TRPM3: variants seen among roughly 807,000 people sequenced by gnomAD.
TRPM3 encodes transient receptor potential cation channel subfamily M member 3.
In TRPM3, 77 loss-of-function variants were observed where a neutral mutation model predicts 181.2. The observed-to-expected ratio is 0.42, with a 90% CI of 0.35 to 0.51. TRPM3 has a LOEUF of 0.51. Ranked by LOEUF, TRPM3 falls within the 20% of genes least tolerant of loss-of-function variation. The probability of loss-of-function intolerance (pLI) is 0.01; values close to 1 mark genes in which losing one functional copy is unlikely to be tolerated. For synonymous variants in TRPM3, 745 were observed against 796.4 expected (o/e 0.94, Z 1.09); for missense variants, 1,759 against 2,196.7 (o/e 0.80, Z 3.98).
chr9:71,045,818 T>A (rs1052475092), intron 1 of TRPM3, among the ~76,000 whole-genome samples: 15 of 152,174 alleles, frequency 9.9e-5, no homozygotes, highest in African/African-American at 3.6e-4. Context: ...TTAGTTCTGA[T>A]GAAAATGTTC....
chr9:71,106,172 G>A (rs931228957), intron 1 of TRPM3, among the ~76,000 whole-genome samples: 1 of 152,110 alleles, frequency 6.6e-6, no homozygotes, highest in African/African-American at 2.4e-5. Flanking sequence ...TATTTATTCA[G>A]GACACATCTG....
Position 71,305,880 on chromosome 9 carries a change from TA to T in TRPM3, c.183+140772del, listed in dbSNP as rs140200241. Among the ~76,000 whole-genome samples the T allele has an allele frequency of 8.5e-5, 13 of 152,110 alleles. No homozygotes were observed. In the South Asian group the frequency reaches 2.5e-3, roughly 29 times the overall value. ...ATATTTGGATCAGAATTCCTTCTTT[TA>T]AAAAAAATCTATCTTATAGGATCAG... On this transcript the variant is annotated intron_variant, in intron 1 of 24. Coordinates refer to the TRPM3 transcript ENST00000357533.
At chr9:71,276,990 T>G (rs1478094808) in intron 1 of TRPM3, among the ~76,000 whole-genome samples, 3 of 152,238 alleles carry the variant, frequency 2.0e-5, no homozygotes, top group Non-Finnish European at 4.4e-5. Context: ...TAAGTTCTAA[T>G]CACTGAAGTA....
At chr9:71,057,285 G>T (rs2060779284) in intron 1 of TRPM3, among the ~76,000 whole-genome samples, 1 of 152,006 alleles carries the variant, frequency 6.6e-6, no homozygotes, top group African/African-American at 2.4e-5. Flanking sequence ...CTACCATTGA[G>T]TCTATTTTTT....
intron 9 of TRPM3, among the ~76,000 whole-genome samples, chr9:70,642,096 A>T (rs2058143877): frequency 6.6e-6 from 1 of 152,164 alleles, no homozygotes; most frequent in African/African-American, 2.4e-5. Flanking sequence ...ACGATCGGGG[A>T]GGAGGATAAA....
chr9:70,613,160 C>CATTA (rs1238004916), intron 18 of TRPM3, among the ~76,000 whole-genome samples: 2 of 152,200 alleles, frequency 1.3e-5, no homozygotes, highest in Non-Finnish European at 2.9e-5. Flanking sequence ...TTTGACATTT[C>CATTA]ATTAATTCCA....
intron 1 of TRPM3, among the ~76,000 whole-genome samples, chr9:71,430,770 C>T (rs1563923742): frequency 6.6e-6 from 1 of 152,140 alleles, no homozygotes; most frequent in South Asian, 2.1e-4. Context: ...GAGATCATGC[C>T]ACTGCACTCC....
chr9:71,296,186 T>C (rs914298628), intron 1 of TRPM3, among the ~76,000 whole-genome samples: 4 of 152,200 alleles, frequency 2.6e-5, no homozygotes, highest in Non-Finnish European at 5.9e-5. Context: ...CAAGTACTAT[T>C]TGGCTCTTAA....
At position 70,537,157 on chromosome 9, in the gene TRPM3, T is replaced by C; in HGVS notation, c.3956A>G (p.Asn1319Ser). 1 of 1,589,256 alleles carries C rather than the reference T, an allele frequency of 6.3e-7. No homozygotes were observed. The highest frequency in any genetic ancestry group is 1.1e-5 in the South Asian group (1 of 89,644). The change falls in exon 26 of 26, where the codon AAC (asparagine) becomes AGC (serine). Residue 1319 changes from asparagine (N) to serine (S), a missense_variant. By Grantham distance (46) the Asn-to-Ser change is conservative (BLOSUM62 1). Transcript: ENST00000677713. ...TATACTCTCTTGGAGCTTGAAGGTG[T>C]TCCCTTCCTGGCTGTTGAAGCTGCT... ...RQSSFNSQEG[N>S]TFKLQESIDP...
At chr9:70,897,255 C>T (rs1471285197) in intron 1 of TRPM3, among the ~76,000 whole-genome samples, 1 of 106,134 alleles carries the variant, frequency 9.4e-6, no homozygotes, top group Non-Finnish European at 2.1e-5. Context: ...TGCTCCCCTT[C>T]CCAGCCTCTG....
At chr9:71,067,342 C>A (rs190431359) in intron 1 of TRPM3, among the ~76,000 whole-genome samples, 14 of 152,206 alleles carry the variant, frequency 9.2e-5, no homozygotes, top group African/African-American at 3.1e-4. Context: ...TGCTGTTGAT[C>A]TTTTAGTATA....
rs563589316 is a variant in TRPM3 at position 70,606,697 on chromosome 9, A to G, written c.2668-3227T>C. On this transcript the variant is annotated intron_variant, in intron 19 of 25. Coordinates refer to ENST00000677713, the MANE Select transcript of TRPM3 (RefSeq NM_001366145.2). ...TACTCTGTAAGGTTTAGCAACCTGT[A>G]TGTAGAATTTCCAAGCTTTTGAACC... 2.6e-5 allele frequency among the ~76,000 whole-genome samples: 4 copies of G among 151,790 alleles called. No homozygotes were observed. The South Asian group carries it at 6.2e-4, about 24-fold the overall frequency.
At chr9:70,970,750 A>G (rs2097235394) in intron 1 of TRPM3, among the ~76,000 whole-genome samples, 1 of 152,172 alleles carries the variant, frequency 6.6e-6, no homozygotes, top group Admixed American at 6.6e-5. Flanking sequence ...TGTGTTGACC[A>G]CTGACCTAAT....
intron 1 of TRPM3, among the ~76,000 whole-genome samples, chr9:71,401,183 G>A (rs1350415860): frequency 7.6e-6 from 1 of 130,972 alleles, no homozygotes; most frequent in Non-Finnish European, 1.6e-5. Flanking sequence ...AAGGGTCAAA[G>A]TGAGACACCA....
At chr9:71,253,034 T>A (rs2082448080) in intron 1 of TRPM3, among the ~76,000 whole-genome samples, 1 of 152,028 alleles carries the variant, frequency 6.6e-6, no homozygotes, top group Admixed American at 6.6e-5. Context: ...TGTCCAAATT[T>A]GATTCAACAT....
At chr9:70,887,719 C>T (rs1448637485) in intron 1 of TRPM3, among the ~76,000 whole-genome samples, 3 of 152,100 alleles carry the variant, frequency 2.0e-5, no homozygotes, top group African/African-American at 4.8e-5. Flanking sequence ...TTGTGGGTTT[C>T]AACATCTGTT....
chr9:71,220,602 C>G (rs1189100829), intron 1 of TRPM3, among the ~76,000 whole-genome samples: 2 of 152,102 alleles, frequency 1.3e-5, no homozygotes, highest in African/African-American at 4.8e-5. Context: ...ATGTGTAAAT[C>G]TTCGTCTCAG....
intron 1 of TRPM3, among the ~76,000 whole-genome samples, chr9:71,384,395 T>C (rs1212960659): frequency 6.6e-6 from 1 of 152,198 alleles, no homozygotes; most frequent in Non-Finnish European, 1.5e-5. Flanking sequence ...AAGTAAAGCA[T>C]AATAGAAAAG....
chr9:70,686,691 TTCC>T (rs2066930061), intron 8 of TRPM3, among the ~76,000 whole-genome samples: 3 of 40,534 alleles, frequency 7.4e-5, no homozygotes, highest in African/African-American at 2.9e-4. Context: ...CCTTCTTTCC[TTCC>T]TTCCTTCCTT....
Sources: gnomAD v4.1 joint callset for allele counts (sites outside exome capture counted in the v4.1 genomes callset) on GRCh38, gnomAD v4.1.1 for gene constraint, MANE v1.5 for transcripts, NCBI Gene and HGNC (gene_info 2026-07-23, HGNC 2026-07-21) for gene names.